Variants in DLGAP1 observed in about 807,000 individuals in gnomAD.
The protein encoded by DLGAP1 is disks large-associated protein 1.
Under a neutral mutation model 90.8 loss-of-function variants are expected in DLGAP1, and 11 were observed. The observed-to-expected ratio is 0.12, with a 90% CI of 0.08 to 0.20. The LOEUF (loss-of-function observed/expected upper bound fraction) is 0.20. Ranked by LOEUF, DLGAP1 falls within the 10% of genes least tolerant of loss-of-function variation. DLGAP1 has a pLI of 1.00. For synonymous variants in DLGAP1, 558 were observed against 540.7 expected (o/e 1.03, Z -0.44); for missense variants, 1,050 against 1,333.8 (o/e 0.79, Z 3.31).
intron 10 of DLGAP1, among the ~76,000 whole-genome samples, chr18:3,520,626 G>A (rs1448964182): frequency 6.6e-6 from 1 of 152,080 alleles, no homozygotes; most frequent in Non-Finnish European, 1.5e-5. Flanking sequence ...AAAGGGTGGT[G>A]GACTGCAAGC....
intron 5 of DLGAP1, among the ~76,000 whole-genome samples, chr18:3,796,689 G>A (rs914435533): frequency 6.6e-6 from 1 of 152,198 alleles, no homozygotes; most frequent in African/African-American, 2.4e-5. Flanking sequence ...GAAGTCAGCA[G>A]GAGATGGAAA....
At chr18:3,738,138 T>TGG (rs2062739575) in intron 6 of DLGAP1, among the ~76,000 whole-genome samples, 1 of 151,420 alleles carries the variant, frequency 6.6e-6, no homozygotes, top group African/African-American at 2.4e-5. Context: ...TACAAACAAA[T>TGG]GGAAGAACAT....
chr18:4,390,044 G>A (rs145161149), intron 1 of DLGAP1, among the ~76,000 whole-genome samples: 60 of 152,078 alleles, frequency 3.9e-4, no homozygotes, highest in African/African-American at 1.4e-3. Flanking sequence ...AATGAGGTAT[G>A]GTTTTTGATC....
At chr18:4,354,887 CAAAAAAAAAAAAAAAAA>C (rs60379984) in intron 1 of DLGAP1, among the ~76,000 whole-genome samples, 16 of 23,846 alleles carry the variant, frequency 6.7e-4, no homozygotes, top group East Asian at 2.0e-3. Context: ...TTACTCTCAC[CAAAAAAAAAAAAAAAAA>C]AAAAAAAAAA....
chr18:4,009,513 C>T (rs533387825), intron 2 of DLGAP1, among the ~76,000 whole-genome samples: 1 of 152,312 alleles, frequency 6.6e-6, no homozygotes, highest in East Asian at 1.9e-4. Flanking sequence ...CTCCTAGATA[C>T]TGGAGATAGA....
At chr18:4,399,266 T>C (rs958500647) in intron 1 of DLGAP1, among the ~76,000 whole-genome samples, 5 of 152,248 alleles carry the variant, frequency 3.3e-5, no homozygotes, top group African/African-American at 1.2e-4. Flanking sequence ...AGTGGAATTA[T>C]CTTTTTTTAC....
intron 5 of DLGAP1, among the ~76,000 whole-genome samples, chr18:3,769,131 A>G (rs2064394261): frequency 6.6e-6 from 1 of 152,214 alleles, no homozygotes; most frequent in Non-Finnish European, 1.5e-5. Context: ...CTTCACAGAT[A>G]AACCCAGGAG....
intron 1 of DLGAP1, among the ~76,000 whole-genome samples, chr18:4,190,890 G>C (rs2077386429): frequency 6.6e-6 from 1 of 151,950 alleles, no homozygotes; most frequent in African/African-American, 2.4e-5. Flanking sequence ...ATACAACTCA[G>C]TTACTCTTCA....
chr18:3,816,568 C>A (rs143045125), intron 4 of DLGAP1, among the ~76,000 whole-genome samples: 1 of 152,328 alleles, frequency 6.6e-6, no homozygotes, highest in Admixed American at 6.5e-5. Context: ...CATCACCCTG[C>A]AGCATGTTCA....
intron 2 of DLGAP1, among the ~76,000 whole-genome samples, chr18:4,117,130 G>A (rs1238040172): frequency 6.6e-6 from 1 of 152,198 alleles, no homozygotes; most frequent in Non-Finnish European, 1.5e-5. Flanking sequence ...AAGACAGCAT[G>A]TGAAGACCAC....
At position 3,797,279 on chromosome 18, in the gene DLGAP1, T is replaced by A. The variant is rs1236883099; in HGVS notation, c.1172+16780A>T. ...AGGCAGAGGTTGCAGTGAGCCGGGA[T>A]CGCGCCACTGCACTCCAGCCTGGCA... On this transcript the variant is annotated intron_variant, in intron 5 of 12. Coordinates refer to ENST00000315677, the MANE Select transcript of DLGAP1 (RefSeq NM_004746.4). Among the ~76,000 whole-genome samples, 3 of 150,282 alleles carry A rather than the reference T, an allele frequency of 2.0e-5. No individual in the cohort carries two copies. The East Asian group carries it at 5.8e-4, about 29-fold the overall frequency.
At chr18:4,144,730 A>T (rs1281944278) in intron 2 of DLGAP1, among the ~76,000 whole-genome samples, 1 of 152,198 alleles carries the variant, frequency 6.6e-6, no homozygotes, top group East Asian at 1.9e-4. Flanking sequence ...ATTTTTTAAC[A>T]CGGTATCATT....
chr18:3,536,819 G>A (rs1298123165), intron 9 of DLGAP1, among the ~76,000 whole-genome samples: 2 of 152,146 alleles, frequency 1.3e-5, no homozygotes, highest in Admixed American at 1.3e-4. Context: ...TGAACCCTGC[G>A]ATGAAGGGGA....
intron 2 of DLGAP1, among the ~76,000 whole-genome samples, chr18:4,081,525 A>G (rs1051199041): frequency 7.2e-5 from 11 of 152,040 alleles, no homozygotes; most frequent in Admixed American, 2.0e-4. Flanking sequence ...GGTCTCTCTG[A>G]CCCATCCCTC....
chr18:4,326,823 G>A (rs1306708301), intron 1 of DLGAP1, among the ~76,000 whole-genome samples: 1 of 152,062 alleles, frequency 6.6e-6, no homozygotes, highest in Non-Finnish European at 1.5e-5. Context: ...TTACTAGGAG[G>A]AGAACAACAG....
intron 5 of DLGAP1, among the ~76,000 whole-genome samples, chr18:3,803,637 T>A (rs186064449): frequency 9.1e-4 from 139 of 152,134 alleles, no homozygotes; most frequent in Middle Eastern, 6.8e-3. Context: ...GTCTCCAGAC[T>A]GTTCAGGGAA....
Position 4,383,736 on chromosome 18 carries a change from A to T in DLGAP1, c.-267+71270T>A, listed in dbSNP as rs2082177034. Among the ~76,000 whole-genome samples the T allele has an allele frequency of 6.6e-6, 1 of 152,154 alleles. No individual in the cohort carries two copies. Among genetic ancestry groups the T allele is most frequent in the Non-Finnish European group, 1.5e-5 (1 of 67,996 alleles). ...GACCATGTGACTGTTTTAAGTAACCAAATGGAGAAAACACAAATATCATGA... is the reference window on the plus strand; with the variant it reads ...GACCATGTGACTGTTTTAAGTAACCTAATGGAGAAAACACAAATATCATGA... On this transcript the variant is annotated intron_variant, in intron 1 of 12. Coordinates refer to ENST00000315677, the MANE Select transcript of DLGAP1 (RefSeq NM_004746.4). The surrounding 1 kb of genome is among the most constrained non-coding windows in gnomAD (Gnocchi z 4.0).
At chr18:4,129,364 G>A (rs904670239) in intron 2 of DLGAP1, among the ~76,000 whole-genome samples, 7 of 152,024 alleles carry the variant, frequency 4.6e-5, no homozygotes, top group East Asian at 1.9e-4. Context: ...ATGGCTGTCC[G>A]GACTACACTA....
At chr18:4,126,093 T>C (rs1303298112) in intron 2 of DLGAP1, among the ~76,000 whole-genome samples, 2 of 152,292 alleles carry the variant, frequency 1.3e-5, no homozygotes, top group Non-Finnish European at 1.5e-5. Flanking sequence ...AGCTTGCAAT[T>C]TGAAGCACCT....
Sources: gnomAD v4.1 joint callset for allele counts (sites outside exome capture counted in the v4.1 genomes callset) on GRCh38, gnomAD v4.1.1 for gene constraint, Gnocchi (gnomAD v3.1) non-coding constraint, MANE v1.5 for transcripts, NCBI Gene and HGNC (gene_info 2026-07-23, HGNC 2026-07-21) for gene names.